MPV17: variants seen among roughly 807,000 people sequenced by gnomAD.
MPV17 encodes the protein mitochondrial inner membrane protein MPV17, also known as MPV17, mitochondrial inner membrane protein.
MPV17 carries 31 observed loss-of-function variants against 28.6 expected under a neutral mutation model. The observed-to-expected ratio is 1.08, with a 90% CI of 0.81 to 1.46. The LOEUF is 1.46. Ranked by LOEUF, MPV17 falls within the 40% of genes most tolerant of loss-of-function variation. The pLI, the probability that MPV17 is intolerant of heterozygous loss-of-function variation, is 0.00. For missense variants in MPV17, 198 were observed against 216.2 expected, an observed-to-expected ratio of 0.92 and a Z score of 0.53; for synonymous variants, 87 against 85.3, an observed-to-expected ratio of 1.02 and a Z score of -0.11.
In MPV17 at chr2:27,314,043, G is replaced by A. The variant is rs144639310; in HGVS notation, c.71-934C>T. On this transcript the variant is annotated intron_variant, in intron 2 of 7. Transcript: ENST00000380044. ...AATCTTTTTCTAAAACAAGAGTGCC[G>A]GCCTGGAATGGTGGCTCACACCTGT... 4.1e-3 allele frequency among the ~76,000 whole-genome samples: 618 copies of A among 152,238 alleles called. 7 individuals carry two copies. Among genetic ancestry groups the A allele is most frequent in the African/African-American group, 0.014 (597 of 41,530 alleles).
intron 2 of MPV17, chr2:27,316,330 A>G: frequency 2.0e-6 from 2 of 1,005,254 alleles, no homozygotes; most frequent in Non-Finnish European, 2.9e-6. Context: ...CCTTGGAGAA[A>G]GATGGATTCA....
chr2:27,311,042 CTTTTTTTTTTTTTTTTT>C (rs35806208), intron 7 of MPV17: 7 of 70,554 alleles, frequency 9.9e-5, no homozygotes, highest in South Asian at 5.4e-4. Flanking sequence ...TGTGTCCAGC[CTTTTTTTTTTTTTTTTT>C]TTTTTTTTTT....
At chr2:27,311,062 TTTTTTTTTTTG>T (rs1345132947) in intron 7 of MPV17, 3 of 140,450 alleles carry the variant, frequency 2.1e-5, no homozygotes, top group African/African-American at 8.1e-5. Flanking sequence ...TTTTTTTTTT[TTTTTTTTTTTG>T]GAGACAGGGT....
chr2:27,318,346 C>T (rs1433643292), intron 2 of MPV17, among the ~76,000 whole-genome samples: 3 of 394 alleles, frequency 7.6e-3, no homozygotes, highest in East Asian at 0.1. Flanking sequence ...GGATTACAGG[C>T]GTGAGCACTG....
chr2:27,311,643 G>A, intron 7 of MPV17: 1 of 1,550,662 alleles, frequency 6.4e-7, no homozygotes, highest in South Asian at 1.2e-5. Context: ...AGCTCAGGTG[G>A]GATGGAGACA....
intron 7 of MPV17, chr2:27,311,202 C>T (rs1679427946): frequency 5.5e-6 from 1 of 181,220 alleles, no homozygotes; most frequent in African/African-American, 2.4e-5. Flanking sequence ...GGACTACGGG[C>T]ACATGTTACC....
Position 27,312,992 on chromosome 2 carries a change from A to G in MPV17, c.186+2T>C, listed in dbSNP as rs147952488. Reference sequence around the variant, plus strand: ...TGAAGCCCTGTTGAGGGGAGAACTTACCACAAAGCCACAGCCCAGGGACAC... The same window carrying G: ...TGAAGCCCTGTTGAGGGGAGAACTTGCCACAAAGCCACAGCCCAGGGACAC... On this transcript the variant is annotated splice_donor_variant, in intron 3 of 7. Transcript: ENST00000380044. LOFTEE classifies it high-confidence loss of function. 1.8e-5 allele frequency: 29 copies of G among 1,614,056 alleles called. No individual in the cohort carries two copies. The African/African-American group carries it at 3.7e-4, about 21-fold the overall frequency.
intron 2 of MPV17, among the ~76,000 whole-genome samples, chr2:27,318,204 G>A (rs1041753389): frequency 6.8e-6 from 1 of 147,870 alleles, no homozygotes; most frequent in Admixed American, 6.9e-5. Context: ...AAGTAGCTGG[G>A]ACTACAGGCA....
intron 3 of MPV17, 97 bp from the exon 4 acceptor site, chr2:27,312,869 T>C (rs1034411183): frequency 3.3e-6 from 5 of 1,530,446 alleles, no homozygotes; most frequent in Non-Finnish European, 2.7e-6. Flanking sequence ...ATAGGGGAAG[T>C]GGACACTAAG....
Position 27,309,530 on chromosome 2 carries a change from C to A in MPV17, c.*382G>T. On this transcript the variant is annotated 3_prime_UTR_variant, in exon 8 of 8. Transcript: ENST00000380044. ...ATTTAATAACATATTTACTGAGGCA[C>A]CATATAAAGGGTTCCGGGAGTCTCT... 2 of 408,868 alleles carry A rather than the reference C, an allele frequency of 4.9e-6. No individual in the cohort carries two copies. The highest frequency in any genetic ancestry group is 8.5e-5 in the South Asian group (2 of 23,486). 25.3% of individuals were successfully genotyped at this position (408,868 alleles called of 1,614,324 possible).
intron 2 of MPV17, among the ~76,000 whole-genome samples, chr2:27,318,120 G>A (rs1679723816): frequency 6.6e-6 from 1 of 150,652 alleles, no homozygotes. Flanking sequence ...CCAGGCTGGA[G>A]TGCAGTGGCA....
rs563543186 is a variant in MPV17 at position 27,311,726 on chromosome 2, G to A, written c.461+173C>T. On this transcript the variant is annotated intron_variant, in intron 7 of 7. Transcript: ENST00000380044. ...GGGCAGACACTCTGGGACAGTTTCC[G>A]GAAATGGCAAGACATTCTGAATAAC... The A allele has an allele frequency of 6.7e-4, 1,041 of 1,552,270 alleles. 9 individuals carry two copies. In the South Asian group the frequency reaches 0.011, roughly 16 times the overall value.
At chr2:27,314,395 T>C (rs1174234380) in intron 2 of MPV17, among the ~76,000 whole-genome samples, 1 of 152,194 alleles carries the variant, frequency 6.6e-6, no homozygotes, top group Non-Finnish European at 1.5e-5. Flanking sequence ...GTTGAGCTGA[T>C]AAGAGTCCCC....
At chr2:27,312,473 C>G in intron 5 of MPV17, 21 bp downstream of exon 5, 1 of 1,612,810 alleles carries the variant, frequency 6.2e-7, no homozygotes, top group East Asian at 2.2e-5. Context: ...CAGAGACATT[C>G]TCCACACCTG....
chr2:27,317,271 A>C lies in MPV17; in HGVS notation c.71-4162T>G. The C allele has an allele frequency of 6.7e-7, 1 of 1,491,180 alleles. No homozygotes were observed. The allele number at this position is 1,491,180 out of a possible 1,614,324, so 92.4% of individuals were successfully genotyped here. A position where few individuals can be genotyped will look rare whatever the true frequency, so the allele number is the denominator to read the frequency against. On this transcript the variant is annotated intron_variant, in intron 2 of 7. Transcript: ENST00000380044. The surrounding 1 kb of genome is among the most constrained non-coding windows in gnomAD (Gnocchi z 4.0). ...AGTTAGCTGCCTAGGATAGGGGCTC[A>C]GTCTGGCACAGAGCCCAGAGGGAGT...
intron 2 of MPV17, among the ~76,000 whole-genome samples, chr2:27,315,235 T>C (rs1241799916): frequency 2.0e-5 from 3 of 152,242 alleles, no homozygotes; most frequent in Non-Finnish European, 4.4e-5. Context: ...AGAAAGGGTC[T>C]GAAGAATTCT....
chr2:27,311,785 T>C (rs1679448432), intron 7 of MPV17, 114 bp downstream of exon 7: 1 of 1,568,176 alleles, frequency 6.4e-7, no homozygotes, highest in South Asian at 1.2e-5. Flanking sequence ...TGATCACGGC[T>C]CAGTGTTCCG....
chr2:27,322,532 C>A lies in MPV17; in HGVS notation c.-5-10G>T. On this transcript the variant is annotated splice_polypyrimidine_tract_variant and intron_variant, in intron 1 of 7. Transcript: ENST00000380044. ...CAGAGTGCCATGCTTCCTGTCAAGC[C>A]AAGAGGAGAGGGGGTCACCCCCACC... 7 of 1,613,410 alleles carry A rather than the reference C, an allele frequency of 4.3e-6. No homozygotes were observed. Among genetic ancestry groups the A allele is most frequent in the Non-Finnish European group, 5.9e-6 (7 of 1,179,642 alleles).
At position 27,317,837 on chromosome 2, in the gene MPV17, T is replaced by C. The variant is rs190847935; in HGVS notation, c.70+4611A>G. ...ACAGTAAACCTTTCCCCAGGCTACCTTGTTCTGGACTCTGGCTTGGCCAAA... is the reference window on the plus strand; with the variant it reads ...ACAGTAAACCTTTCCCCAGGCTACCCTGTTCTGGACTCTGGCTTGGCCAAA... On this transcript the variant is annotated intron_variant, in intron 2 of 7. Coordinates refer to ENST00000380044, the MANE Select transcript of MPV17 (RefSeq NM_002437.5). This position sits in a 1 kb window ranked among gnomAD's most constrained non-coding sequence, Gnocchi z 4.0. Among the ~76,000 whole-genome samples the C allele has an allele frequency of 1.7e-3, 256 of 152,362 alleles. No homozygotes were observed. The highest frequency in any genetic ancestry group is 5.9e-3 in the African/African-American group (246 of 41,590).
Sources: allele counts gnomAD v4.1 joint callset (sites outside exome capture counted in the v4.1 genomes callset), GRCh38; gene constraint gnomAD v4.1.1; non-coding constraint Gnocchi (gnomAD v3.1); transcripts MANE v1.5; gene names NCBI Gene and HGNC (gene_info 2026-07-23, HGNC 2026-07-21).